The following BMPR1B variants were observed in gnomAD, a reference collection of about 807,000 sequenced individuals.
BMPR1B encodes the protein bone morphogenetic protein receptor type 1B.
A neutral mutation model predicts 59.1 loss-of-function variants in BMPR1B; 12 were observed. The ratio of observed to expected loss-of-function variants is 0.20; its 90% CI spans 0.13 to 0.33. BMPR1B has a LOEUF of 0.33. Among genes scored for constraint, BMPR1B ranks in the 10% least tolerant of loss-of-function variants. The pLI is 1.00. For synonymous variants in BMPR1B, 237 were observed against 207.3 expected (o/e 1.14, Z -1.23); for missense variants, 550 against 610.9 (o/e 0.90, Z 1.05).
rs1314232839 is a variant in BMPR1B at position 94,766,495 on chromosome 4, T to A, written c.-183+8427T>A. Among the ~76,000 whole-genome samples, 3 of 150,572 alleles carry A rather than the reference T, an allele frequency of 2.0e-5. No individual in the cohort carries two copies. In the East Asian group the frequency reaches 6.1e-4, roughly 31 times the overall value. On this transcript the variant is annotated intron_variant, in intron 1 of 12. Transcript: ENST00000515059. ...CTACCCAGAAAACGACTTCCAGCCC[T>A]ATACCTGTGAGTATATACTGGGCCT... is the stretch of plus-strand genomic sequence containing the variant.
chr4:94,990,394 C>T (rs1267825447), intron 2 of BMPR1B, among the ~76,000 whole-genome samples: 3 of 152,080 alleles, frequency 2.0e-5, no homozygotes, highest in East Asian at 3.9e-4. Context: ...GAAGCAAAAA[C>T]TTGTTTATAG....
At chr4:94,814,305 T>G (rs1392721758) in intron 1 of BMPR1B, among the ~76,000 whole-genome samples, 1 of 152,252 alleles carries the variant, frequency 6.6e-6, no homozygotes, top group Non-Finnish European at 1.5e-5. Context: ...AAGAGATGTT[T>G]AACTTGAGGT....
At chr4:94,889,626 C>A (rs1727312221) in intron 2 of BMPR1B, among the ~76,000 whole-genome samples, 1 of 152,036 alleles carries the variant, frequency 6.6e-6, no homozygotes, top group Non-Finnish European at 1.5e-5. Flanking sequence ...TCCTGCTGTC[C>A]TGCAGAGAAC....
intron 2 of BMPR1B, among the ~76,000 whole-genome samples, chr4:94,916,065 A>G (rs931625447): frequency 2.6e-5 from 4 of 152,188 alleles, no homozygotes; most frequent in African/African-American, 9.7e-5. Flanking sequence ...TGCCAGACCC[A>G]CACTTTCTGT....
intron 1 of BMPR1B, among the ~76,000 whole-genome samples, chr4:94,873,336 C>T (rs17022418): frequency 0.036 from 5,464 of 151,736 alleles, 328 homozygotes; most frequent in African/African-American, 0.12. Context: ...TTTTGCAGAT[C>T]GAATCTTGTA....
At chr4:94,954,027 A>G (rs192626591) in intron 2 of BMPR1B, among the ~76,000 whole-genome samples, 26 of 151,718 alleles carry the variant, frequency 1.7e-4, no homozygotes, top group African/African-American at 5.1e-4. Context: ...TCAATCTCTG[A>G]TATCTTTTCT....
intron 1 of BMPR1B, among the ~76,000 whole-genome samples, chr4:94,864,289 G>A (rs1726116055): frequency 6.6e-6 from 1 of 152,080 alleles, no homozygotes; most frequent in African/African-American, 2.4e-5. Flanking sequence ...GTTTCAGATT[G>A]TCTTCATGGT....
intron 3 of BMPR1B, among the ~76,000 whole-genome samples, chr4:95,031,406 T>A (rs1724845309): frequency 6.6e-6 from 1 of 152,108 alleles, no homozygotes; most frequent in Non-Finnish European, 1.5e-5. Context: ...TGCTTCTGTT[T>A]TCAGAAACTT....
chr4:95,079,014 G>A (rs533018539), intron 3 of BMPR1B, among the ~76,000 whole-genome samples: 55 of 152,120 alleles, frequency 3.6e-4, no homozygotes, highest in Non-Finnish European at 5.1e-4. Flanking sequence ...CTGCCTTAGC[G>A]TCCCAAAGTG....
chr4:94,914,430 A>G (rs570019385), intron 2 of BMPR1B, among the ~76,000 whole-genome samples: 1 of 152,286 alleles, frequency 6.6e-6, no homozygotes, highest in African/African-American at 2.4e-5. Flanking sequence ...ATGAAAGAGT[A>G]TTAATTGAGT....
intron 3 of BMPR1B, among the ~76,000 whole-genome samples, chr4:95,090,919 A>G (rs1729929811): frequency 6.6e-6 from 1 of 152,104 alleles, no homozygotes; most frequent in Non-Finnish European, 1.5e-5. Flanking sequence ...TTTGGTCTTC[A>G]GTTTTCCAAA....
At chr4:95,053,348 A>G (rs973913265) in intron 3 of BMPR1B, among the ~76,000 whole-genome samples, 2 of 144,396 alleles carry the variant, frequency 1.4e-5, no homozygotes, top group East Asian at 2.1e-4. Flanking sequence ...AATTTATCTT[A>G]TATCATACTA....
chr4:95,131,659 G>A, intron 10 of BMPR1B, 147 bp downstream of exon 10: 1 of 925,008 alleles, frequency 1.1e-6, no homozygotes, highest in Non-Finnish European at 1.6e-6. Flanking sequence ...CATTTTATTA[G>A]CAACACAGCA....
intron 10 of BMPR1B, among the ~76,000 whole-genome samples, chr4:95,148,490 A>G (rs1056358384): frequency 2.6e-5 from 4 of 151,984 alleles, no homozygotes; most frequent in Non-Finnish European, 5.9e-5. Context: ...GGCTCAAGCT[A>G]TCCTTCCACC....
intron 2 of BMPR1B, among the ~76,000 whole-genome samples, chr4:94,939,740 G>T (rs749074606): frequency 2.6e-5 from 4 of 152,106 alleles, no homozygotes; most frequent in Admixed American, 6.6e-5. Context: ...ATTTTTTAGG[G>T]ATAGCGATTA....
At chr4:94,916,005 CT>C (rs1728469704) in intron 2 of BMPR1B, among the ~76,000 whole-genome samples, 1 of 152,158 alleles carries the variant, frequency 6.6e-6, no homozygotes, top group Admixed American at 6.6e-5. Context: ...CCCATTTTGC[CT>C]TTTGCCATCA....
intron 1 of BMPR1B, among the ~76,000 whole-genome samples, chr4:94,800,833 G>T (rs916790507): frequency 1.3e-5 from 2 of 152,160 alleles, no homozygotes; most frequent in Non-Finnish European, 2.9e-5. Flanking sequence ...AGGAACTTTT[G>T]ATTTGTGTGA....
At chr4:95,009,532 T>TA (rs1196727426) in intron 3 of BMPR1B, among the ~76,000 whole-genome samples, 1 of 152,120 alleles carries the variant, frequency 6.6e-6, no homozygotes, top group African/African-American at 2.4e-5. Flanking sequence ...AAAAAATACA[T>TA]ACAACATGAT....
At chr4:95,114,847 A>T in intron 5 of BMPR1B, 25 bp downstream of exon 5, 1 of 1,555,548 alleles carries the variant, frequency 6.4e-7, no homozygotes, top group Non-Finnish European at 8.9e-7. Context: ...TTGATTCTGT[A>T]ACCTTTCATT....
Sources: allele counts gnomAD v4.1 joint callset (sites outside exome capture counted in the v4.1 genomes callset), GRCh38; gene constraint gnomAD v4.1.1; transcripts MANE v1.5; gene names NCBI Gene and HGNC (gene_info 2026-07-23, HGNC 2026-07-21).